Variants in LANCL2 observed in about 807,000 individuals in gnomAD.
The protein encoded by LANCL2 is LanC like glutathione S-transferase 2.
In LANCL2, 33 loss-of-function variants were observed where a neutral mutation model predicts 56.9. The observed-to-expected ratio is 0.58, with a 90% confidence interval of 0.44 to 0.78. The LOEUF (loss-of-function observed/expected upper bound fraction) is 0.78, where lower values mean the gene tolerates loss of function less well. Ranked by LOEUF, LANCL2 falls within the 30% of genes least tolerant of loss-of-function variation. The pLI is 0.00. For missense variants in LANCL2, 562 were observed against 580.2 expected, an observed-to-expected ratio of 0.97 and a Z score of 0.32; for synonymous variants, 233 against 228.2, an observed-to-expected ratio of 1.02 and a Z score of -0.19.
rs1790738198 is a variant in LANCL2 at position 55,432,257 on chromosome 7, C to T, written c.*937C>T. On this transcript the variant is annotated 3_prime_UTR_variant, in exon 9 of 9. Coordinates refer to ENST00000254770, the MANE Select transcript of LANCL2 (RefSeq NM_018697.4). ...GAAAGACACTCAACTGGACTCATGTCCCTGCAATTAAACTTACTTCAACCT... is the reference window on the plus strand; with the variant it reads ...GAAAGACACTCAACTGGACTCATGTTCCTGCAATTAAACTTACTTCAACCT... The T allele has an allele frequency of 6.6e-6, 1 of 152,188 alleles. No individual in the cohort carries two copies. The allele number at this position is 152,188 out of a possible 1,614,324, so 9.4% of individuals were successfully genotyped here. A position where few individuals can be genotyped will look rare whatever the true frequency, so the allele number is the denominator to read the frequency against.
At chr7:55,405,569 C>T (rs1443839481) in intron 5 of LANCL2, among the ~76,000 whole-genome samples, 1 of 148,664 alleles carries the variant, frequency 6.7e-6, no homozygotes, top group Admixed American at 6.7e-5. Flanking sequence ...CTGCCTACTG[C>T]AAACTCCATC....
At chr7:55,388,518 C>G (rs1054083462) in intron 1 of LANCL2, among the ~76,000 whole-genome samples, 1 of 152,166 alleles carries the variant, frequency 6.6e-6, no homozygotes, top group Admixed American at 6.5e-5. Flanking sequence ...TGCATTCCAG[C>G]CTGGGCAACA....
intron 6 of LANCL2, among the ~76,000 whole-genome samples, chr7:55,420,969 CTT>C (rs1484184995): frequency 6.6e-6 from 1 of 152,144 alleles, no homozygotes; most frequent in African/African-American, 2.4e-5. Flanking sequence ...TGAATTGACT[CTT>C]TTATCATCAT....
Position 55,412,048 on chromosome 7 carries a change from G to T in LANCL2, c.967G>T (p.Gly323Cys). The T allele has an allele frequency of 6.2e-7, 1 of 1,614,132 alleles. No homozygotes were observed. The highest frequency in any genetic ancestry group is 8.5e-7 in the Non-Finnish European group (1 of 1,180,018). ...ETDRLVHWCH[G>C]APGVIHMLMQ... ...AGACCGGCTGGTGCACTGGTGCCAC[G>T]GCGCCCCGGGGGTCATCCACATGCT... Residue 323 changes from glycine (G) to cysteine (C), a missense_variant, in exon 6 of 9, where the codon GGC becomes TGC. This residue lies in a region of LANCL2 where 378 missense variants were observed against 468.4 expected (regional missense o/e 0.81). Transcript: ENST00000254770.
At chr7:55,371,580 T>C (rs1380663885) in intron 1 of LANCL2, among the ~76,000 whole-genome samples, 2 of 152,192 alleles carry the variant, frequency 1.3e-5, no homozygotes, top group African/African-American at 2.4e-5. Context: ...CCATGAGCTT[T>C]TGGTGTCATA....
chr7:55,401,636 A>G (rs1392528554), intron 5 of LANCL2, among the ~76,000 whole-genome samples: 8 of 122,634 alleles, frequency 6.5e-5, no homozygotes, highest in Middle Eastern at 4.0e-3. Flanking sequence ...AGGGAAGGTC[A>G]GCAGATAAGT....
Position 55,433,074 on chromosome 7 carries a change from G to T in LANCL2, c.*1754G>T, listed in dbSNP as rs1184903178. On this transcript the variant is annotated 3_prime_UTR_variant, in exon 9 of 9. Transcript: ENST00000254770. ...AAAACATAACACATCACAGCACTCA[G>T]TAGAGGTCCTGCCTCCCCATTTCTC... 1 of 152,416 alleles carries T rather than the reference G, an allele frequency of 6.6e-6. No individual in the cohort carries two copies. Among genetic ancestry groups the T allele is most frequent in the African/African-American group, 2.4e-5 (1 of 41,452 alleles). The allele number at this position is 152,416 out of a possible 1,614,324, so 9.4% of individuals were successfully genotyped here. A position where few individuals can be genotyped will look rare whatever the true frequency, so the allele number is the denominator to read the frequency against.
chr7:55,382,645 C>G (rs1790082367), intron 1 of LANCL2, among the ~76,000 whole-genome samples: 1 of 152,102 alleles, frequency 6.6e-6, no homozygotes, highest in South Asian at 2.1e-4. Flanking sequence ...GTTCTTCTTG[C>G]TGTCTTCTGT....
rs1562872335 is a variant in LANCL2, at chr7:55,431,426, G to A, written c.*106G>A. The A allele has an allele frequency of 1.1e-5, 8 of 726,400 alleles. No individual in the cohort carries two copies. The highest frequency in any genetic ancestry group is 3.8e-5 in the South Asian group (2 of 53,076). 45.0% of individuals were successfully genotyped at this position (726,400 alleles called of 1,614,324 possible). On this transcript the variant is annotated 3_prime_UTR_variant, in exon 9 of 9. Transcript: ENST00000254770. ...GAATCCTGAAAGAGAAGCAGACACC[G>A]TCACAGGCCCCTCTGGTTAGACTAG...
intron 1 of LANCL2, among the ~76,000 whole-genome samples, chr7:55,372,271 C>T (rs1235395017): frequency 6.6e-6 from 1 of 152,076 alleles, no homozygotes; most frequent in Non-Finnish European, 1.5e-5. Context: ...GAGCATTTTC[C>T]ATCTTTTGGA....
chr7:55,386,048 A>C (rs575922791), intron 1 of LANCL2, among the ~76,000 whole-genome samples: 10 of 152,348 alleles, frequency 6.6e-5, no homozygotes, highest in Non-Finnish European at 1.3e-4. Context: ...GTTTAAGGTT[A>C]TCTCTCTTAT....
At chr7:55,383,032 G>A (rs1790086608) in intron 1 of LANCL2, among the ~76,000 whole-genome samples, 1 of 152,208 alleles carries the variant, frequency 6.6e-6, no homozygotes, top group South Asian at 2.1e-4. Flanking sequence ...CAAGGTGGGT[G>A]GATCACTTGA....
At chr7:55,422,693 T>C (rs926877916) in intron 6 of LANCL2, among the ~76,000 whole-genome samples, 16 of 152,240 alleles carry the variant, frequency 1.1e-4, no homozygotes, top group Non-Finnish European at 2.4e-4. Context: ...ATGTCCAGCC[T>C]GCTCTTAAAC....
chr7:55,373,808 C>A (rs946985708), intron 1 of LANCL2, among the ~76,000 whole-genome samples: 21 of 152,138 alleles, frequency 1.4e-4, no homozygotes, highest in Non-Finnish European at 5.9e-5. Flanking sequence ...ACATTCCAGG[C>A]TACTGTAAGT....
intron 1 of LANCL2, among the ~76,000 whole-genome samples, chr7:55,377,620 A>G (rs1311527454): frequency 6.6e-6 from 1 of 152,254 alleles, no homozygotes; most frequent in Non-Finnish European, 1.5e-5. Context: ...CATTTGGAAT[A>G]ATAGATGCAG....
At chr7:55,372,387 A>C (rs1043129595) in intron 1 of LANCL2, among the ~76,000 whole-genome samples, 1 of 152,224 alleles carries the variant, frequency 6.6e-6, no homozygotes, top group African/African-American at 2.4e-5. Context: ...ATTTAACCAC[A>C]CACTGAACCT....
intron 6 of LANCL2, among the ~76,000 whole-genome samples, 156 bp from the exon 7 acceptor site, chr7:55,425,098 T>G (rs907083075): frequency 6.6e-6 from 1 of 152,212 alleles, no homozygotes; most frequent in African/African-American, 2.4e-5. Context: ...TGTACTGTGT[T>G]GCTGGTGTTT....
intron 6 of LANCL2, among the ~76,000 whole-genome samples, chr7:55,422,622 T>A (rs1583765969): frequency 1.3e-5 from 2 of 152,224 alleles, no homozygotes; most frequent in East Asian, 3.8e-4. Context: ...TTCTTCTCTG[T>A]AATTCGGATC....
At position 55,366,019 on chromosome 7, in the gene LANCL2, G is replaced by A. The variant is rs1424707162; in HGVS notation, c.-7G>A. 2 of 1,438,062 alleles carry A rather than the reference G, an allele frequency of 1.4e-6. No individual in the cohort carries two copies. Among genetic ancestry groups the A allele is most frequent in the Non-Finnish European group, 1.8e-6 (2 of 1,089,756 alleles). The allele number at this position is 1,438,062 out of a possible 1,614,324, so 89.1% of individuals were successfully genotyped here. A position where few individuals can be genotyped will look rare whatever the true frequency, so the allele number is the denominator to read the frequency against. ...TGTCCCCGCCCGCGCGCCGTACCGC[G>A]GCGGAGATGGGCGAGACCATGTCAA... On this transcript the variant is annotated 5_prime_UTR_variant, in exon 1 of 9. Transcript: ENST00000254770.
Sources: allele counts gnomAD v4.1 joint callset (sites outside exome capture counted in the v4.1 genomes callset), GRCh38; gene constraint gnomAD v4.1.1; regional missense constraint gnomAD v4.1.1; transcripts MANE v1.5; gene names NCBI Gene and HGNC (gene_info 2026-07-23, HGNC 2026-07-21).